GNE: variants seen among roughly 807,000 people sequenced by gnomAD.
GNE encodes the protein bifunctional UDP-N-acetylglucosamine 2-epimerase/N-acetylmannosamine kinase.
Under a neutral mutation model 61.8 loss-of-function variants are expected in GNE, and 41 were observed. The observed-to-expected ratio is 0.66, with a 90% confidence interval of 0.52 to 0.86. The LOEUF (loss-of-function observed/expected upper bound fraction) is 0.86, where lower values mean the gene tolerates loss of function less well. GNE is among the 40% of genes least tolerant of loss of function. The probability of loss-of-function intolerance (pLI) is 0.00; values close to 1 mark genes in which losing one functional copy is unlikely to be tolerated. For synonymous variants in GNE, 264 were observed against 326.4 expected (o/e 0.81, Z 2.06); for missense variants, 608 against 909.1 (o/e 0.67, Z 4.26).
At chr9:36,254,066 A>G (rs1830227509) in intron 1 of GNE, among the ~76,000 whole-genome samples, 1 of 152,002 alleles carries the variant, frequency 6.6e-6, no homozygotes, top group Non-Finnish European at 1.5e-5. Flanking sequence ...TTAGCCAGGC[A>G]TGGTAGCGCG....
intron 1 of GNE, 63 bp from the exon 2 acceptor site, chr9:36,249,460 A>C: frequency 9.6e-7 from 1 of 1,046,892 alleles, no homozygotes; most frequent in Non-Finnish European, 1.4e-6. Context: ...TAAACTTTAA[A>C]CTTCTCTAAA....
At chr9:36,223,874 C>T (rs368284807) in intron 7 of GNE, among the ~76,000 whole-genome samples, 1 of 151,926 alleles carries the variant, frequency 6.6e-6, no homozygotes, top group East Asian at 2.0e-4. Flanking sequence ...TCCTCAGCTT[C>T]CCAGGTAGCT....
intron 1 of GNE, among the ~76,000 whole-genome samples, chr9:36,250,081 T>C (rs899143051): frequency 4.6e-5 from 7 of 152,126 alleles, no homozygotes; most frequent in Non-Finnish European, 7.3e-5. Context: ...ACATAGTAGG[T>C]TGTTGCAAAA....
chr9:36,240,448 C>G (rs4879962), intron 3 of GNE, among the ~76,000 whole-genome samples: 117,729 of 152,144 alleles, frequency 0.77, 46,067 homozygotes, highest in African/African-American at 0.81. Flanking sequence ...TTTATGTGGT[C>G]CATCACATTT....
chr9:36,239,554 C>T (rs1829549998), intron 3 of GNE, among the ~76,000 whole-genome samples: 1 of 151,918 alleles, frequency 6.6e-6, no homozygotes, highest in African/African-American at 2.4e-5. Context: ...CTCACTGCAA[C>T]TTCCGCCTCC....
chr9:36,260,332 C>T (rs1480729812), upstream of GNE, among the ~76,000 whole-genome samples: 6 of 150,826 alleles, frequency 4.0e-5, no homozygotes, highest in African/African-American at 1.5e-4. Context: ...CAGGTTTCTG[C>T]CATTAGGAAT....
chr9:36,247,382 C>A (rs780663541), intron 2 of GNE, among the ~76,000 whole-genome samples: 34 of 152,248 alleles, frequency 2.2e-4, no homozygotes, highest in Admixed American at 4.6e-4. Context: ...GAAAACATTT[C>A]ATGGTGAAAA....
At chr9:36,276,682 A>G (rs1343539631) in intron 1 of GNE, among the ~76,000 whole-genome samples, 1 of 152,246 alleles carries the variant, frequency 6.6e-6, no homozygotes, top group African/African-American at 2.4e-5. Flanking sequence ...GAGATGCAGA[A>G]AGACCCTGAA....
intron 3 of GNE, among the ~76,000 whole-genome samples, chr9:36,237,803 C>T (rs1174857092): frequency 6.6e-6 from 1 of 151,604 alleles, no homozygotes; most frequent in Admixed American, 6.6e-5. Context: ...GTCTTCTATC[C>T]CTCGCCCCCT....
intron 7 of GNE, 71 bp downstream of exon 7, chr9:36,227,177 C>T (rs1239827822): frequency 1.1e-6 from 1 of 927,528 alleles, no homozygotes; most frequent in East Asian, 2.5e-5. Context: ...TACCTTCCAA[C>T]TATATATACT....
chr9:36,260,281 T>TAAAA (rs538107305), upstream of GNE, among the ~76,000 whole-genome samples: 1 of 123,594 alleles, frequency 8.1e-6, no homozygotes, highest in African/African-American at 3.0e-5. Context: ...CCTCATCTCT[T>TAAAA]AAAAAAAAAA....
At chr9:36,223,924 G>A (rs1828734071) in intron 7 of GNE, among the ~76,000 whole-genome samples, 1 of 151,866 alleles carries the variant, frequency 6.6e-6, no homozygotes, top group Non-Finnish European at 1.5e-5. Flanking sequence ...GCTAATTTTT[G>A]TATTTTTAGT....
chr9:36,216,429 G>C lies in GNE; in HGVS notation c.*936C>G, dbSNP rs56974443. The C allele has an allele frequency of 2.0e-5, 6 of 300,376 alleles. No individual in the cohort carries two copies. The East Asian group carries it at 3.0e-4, about 15-fold the overall frequency. The allele number at this position is 300,376 out of a possible 1,614,324, so 18.6% of individuals were successfully genotyped here. On this transcript the variant is annotated 3_prime_UTR_variant, in exon 12 of 12. Coordinates refer to ENST00000642385, the MANE Select transcript of GNE (RefSeq NM_005476.7). ...CGGCTCACTGCAACCTCCGCCTCCC[G>C]GGTTCAAGCAATTCTCCTGCCTCAG...
At chr9:36,261,343 C>T (rs1246068038), upstream of GNE, among the ~76,000 whole-genome samples, 1 of 149,688 alleles carries the variant, frequency 6.7e-6, no homozygotes, top group African/African-American at 2.5e-5. Flanking sequence ...CGGATCACGA[C>T]GTCAGGAGAT....
chr9:36,231,515 A>G, intron 5 of GNE, among the ~76,000 whole-genome samples: 1 of 152,236 alleles, frequency 6.6e-6, no homozygotes, highest in East Asian at 1.9e-4. Context: ...AGATGTGGCC[A>G]TGTGACTAAG....
At chr9:36,233,212 CTACTTA>C (rs1829247768) in intron 5 of GNE, among the ~76,000 whole-genome samples, 1 of 152,098 alleles carries the variant, frequency 6.6e-6, no homozygotes, top group Non-Finnish European at 1.5e-5. Flanking sequence ...AATAATAATC[CTACTTA>C]TACTTAAGGG....
At chr9:36,265,643 G>T in intron 1 of GNE, 1 of 297,450 alleles carries the variant, frequency 3.4e-6, no homozygotes, top group Non-Finnish European at 7.0e-6. Context: ...TAGGGCAGCG[G>T]TCCCCAGTCT....
intron 1 of GNE, among the ~76,000 whole-genome samples, chr9:36,272,652 C>T (rs1033840818): frequency 1.7e-4 from 24 of 138,684 alleles, no homozygotes; most frequent in African/African-American, 6.4e-4. Flanking sequence ...AAAAGAACTA[C>T]AGAAGATGGA....
chr9:36,242,863 C>T (rs919686499), intron 3 of GNE, among the ~76,000 whole-genome samples: 9 of 151,302 alleles, frequency 5.9e-5, no homozygotes, highest in African/African-American at 1.9e-4. Context: ...CCTCAGCCTC[C>T]TGAGTAGCTG....
Sources: gnomAD v4.1 joint callset for allele counts (sites outside exome capture counted in the v4.1 genomes callset) on GRCh38, gnomAD v4.1.1 for gene constraint, MANE v1.5 for transcripts, NCBI Gene and HGNC (gene_info 2026-07-23, HGNC 2026-07-21) for gene names.